CMTM7: variants seen among roughly 807,000 people sequenced by gnomAD.
CMTM7 encodes the protein CKLF like MARVEL transmembrane domain containing 7.
Under a neutral mutation model 19.3 loss-of-function variants are expected in CMTM7, and 7 were observed. That is an observed-to-expected ratio of 0.36 (90% CI 0.21 to 0.68). The LOEUF (loss-of-function observed/expected upper bound fraction) is 0.68. Ranked by LOEUF, CMTM7 falls within the 30% of genes least tolerant of loss-of-function variation. The probability of loss-of-function intolerance (pLI) is 0.60; values close to 1 mark genes in which losing one functional copy is unlikely to be tolerated. For synonymous variants in CMTM7, 87 were observed against 99.3 expected (o/e 0.88, Z 0.74); for missense variants, 193 against 232.6 (o/e 0.83, Z 1.11).
chr3:32,406,772 G>A (rs1696097385), intron 1 of CMTM7, among the ~76,000 whole-genome samples: 1 of 152,224 alleles, frequency 6.6e-6, no homozygotes, highest in South Asian at 2.1e-4. Context: ...GCAGGACAAA[G>A]ACGAGTTTCA....
At chr3:32,412,996 T>C (rs1696201648) in intron 1 of CMTM7, among the ~76,000 whole-genome samples, 1 of 152,246 alleles carries the variant, frequency 6.6e-6, no homozygotes, top group Admixed American at 6.5e-5. Context: ...CTATAAATGA[T>C]ATTACATTGA....
chr3:32,444,456 T>C (rs537893143), intron 2 of CMTM7, among the ~76,000 whole-genome samples: 6 of 152,376 alleles, frequency 3.9e-5, no homozygotes, highest in South Asian at 2.1e-4. Flanking sequence ...TTTTGATTAC[T>C]GTAGCCTTGT....
chr3:32,449,416 C>A lies in CMTM7; in HGVS notation c.334-38C>A. 7.1e-7 allele frequency: 1 copy of A among 1,410,396 alleles called. No individual in the cohort carries two copies. The highest frequency in any genetic ancestry group is 1.0e-6 in the Non-Finnish European group (1 of 994,304). The allele number at this position is 1,410,396 out of a possible 1,614,324, so 87.4% of individuals were successfully genotyped here. ...TTGCTCTTCCCGGACCAGAAATGGA[C>A]GGCCCTACCCACTTATTTGCTTTGT... On this transcript the variant is annotated intron_variant, in intron 2 of 4. Coordinates refer to ENST00000334983, the MANE Select transcript of CMTM7 (RefSeq NM_138410.4). The surrounding 1 kb of genome is among the most constrained non-coding windows in gnomAD (Gnocchi z 4.5).
intron 1 of CMTM7, among the ~76,000 whole-genome samples, chr3:32,402,797 T>G (rs909806534): frequency 1.3e-5 from 2 of 151,692 alleles, no homozygotes; most frequent in African/African-American, 4.8e-5. Context: ...ACTCCTGACC[T>G]TGTGTTCCGC....
At chr3:32,418,355 C>G (rs11129522) in intron 1 of CMTM7, among the ~76,000 whole-genome samples, 50,589 of 151,974 alleles carry the variant, frequency 0.33, 8,958 homozygotes, top group South Asian at 0.41. Flanking sequence ...TGCTCTATAT[C>G]TTGCCTTTTC....
chr3:32,404,985 TGAGAGAGGGCC>T (rs1400233188), intron 1 of CMTM7, among the ~76,000 whole-genome samples: 1 of 152,152 alleles, frequency 6.6e-6, no homozygotes, highest in East Asian at 1.9e-4. Context: ...ACTGCCTTGT[TGAGAGAGGGCC>T]TGTGAGGGGC....
chr3:32,407,302 G>GTTACTTTTT (rs1445914457), intron 1 of CMTM7, among the ~76,000 whole-genome samples: 1 of 152,030 alleles, frequency 6.6e-6, no homozygotes, highest in Non-Finnish European at 1.5e-5. Flanking sequence ...GATTTTTGAT[G>GTTACTTTTT]TTACTTTTTC....
At chr3:32,441,399 C>T (rs1001239576) in intron 1 of CMTM7, among the ~76,000 whole-genome samples, 1 of 152,118 alleles carries the variant, frequency 6.6e-6, no homozygotes, top group African/African-American at 2.4e-5. Flanking sequence ...TATGAATTAC[C>T]ATCTTTGTAG....
chr3:32,392,128 G>A, intron 1 of CMTM7, 63 bp downstream of exon 1: 3 of 1,178,512 alleles, frequency 2.5e-6, no homozygotes, highest in Non-Finnish European at 2.1e-6. Flanking sequence ...CAGGGGTCCG[G>A]GAGCGGACGC....
intron 1 of CMTM7, among the ~76,000 whole-genome samples, chr3:32,395,809 A>C (rs1559398631): frequency 6.6e-6 from 1 of 152,250 alleles, no homozygotes; most frequent in Non-Finnish European, 1.5e-5. Context: ...TGTCCACATG[A>C]AGACTTACAC....
At position 32,449,653 on chromosome 3, in the gene CMTM7, C is replaced by G. The variant is rs1696801754; in HGVS notation, c.432+101C>G. On this transcript the variant is annotated intron_variant, in intron 3 of 4. Coordinates refer to ENST00000334983, the MANE Select transcript of CMTM7 (RefSeq NM_138410.4). This position sits in a 1 kb window ranked among gnomAD's most constrained non-coding sequence, Gnocchi z 4.5. The stretch of plus-strand genomic sequence containing the variant: ...AAGGGCTTGGTTTCTGGGGCATTCC[C>G]TTCATAGAATCAATACCTACCTTGA... 1 of 909,144 alleles carries G rather than the reference C, an allele frequency of 1.1e-6. No individual in the cohort carries two copies. The highest frequency in any genetic ancestry group is 1.8e-6 in the Non-Finnish European group (1 of 546,546). 56.3% of individuals were successfully genotyped at this position (909,144 alleles called of 1,614,324 possible). A position where few individuals can be genotyped will look rare whatever the true frequency, so the allele number is the denominator to read the frequency against.
rs573871033 is a variant in CMTM7 at position 32,449,285 on chromosome 3, G to T, written c.334-169G>T. On this transcript the variant is annotated intron_variant, in intron 2 of 4. Coordinates refer to ENST00000334983, the MANE Select transcript of CMTM7 (RefSeq NM_138410.4). The surrounding 1 kb of genome is among the most constrained non-coding windows in gnomAD (Gnocchi z 4.5). ...TGCTTGGCCTCTTCCTGGTCAGCCCGCATGTTGGCTGCCTGCGAGCGGCTC... is the reference window on the plus strand; with the variant it reads ...TGCTTGGCCTCTTCCTGGTCAGCCCTCATGTTGGCTGCCTGCGAGCGGCTC... 2.0e-5 allele frequency among the ~76,000 whole-genome samples: 3 copies of T among 152,294 alleles called. No homozygotes were observed. Among genetic ancestry groups the T allele is most frequent in the East Asian group, 1.9e-4 (1 of 5,186 alleles).
In CMTM7 at chr3:32,454,507, A is replaced by G. The variant is rs1326454488; in HGVS notation, c.*253A>G. 2.9e-6 allele frequency: 2 copies of G among 689,372 alleles called. No homozygotes were observed. The highest frequency in any genetic ancestry group is 3.5e-5 in the African/African-American group (2 of 57,002). The allele number at this position is 689,372 out of a possible 1,614,324, so 42.7% of individuals were successfully genotyped here. A position where few individuals can be genotyped will look rare whatever the true frequency, so the allele number is the denominator to read the frequency against. On this transcript the variant is annotated 3_prime_UTR_variant, in exon 5 of 5. Transcript: ENST00000334983. ...GGAAAGGAAAGCAGCCTCCAGGGAA[A>G]TGTTTTCTGCCTTCCTGCTTCTAGA...
chr3:32,417,110 G>A (rs1051051614), intron 1 of CMTM7, among the ~76,000 whole-genome samples: 10 of 152,118 alleles, frequency 6.6e-5, no homozygotes, highest in African/African-American at 1.9e-4. Context: ...ATCAATTTCG[G>A]AACACTTAGA....
Position 32,454,794 on chromosome 3 carries a change from T to C in CMTM7, c.*540T>C, listed in dbSNP as rs530424982. On this transcript the variant is annotated 3_prime_UTR_variant, in exon 5 of 5. Transcript: ENST00000334983. Reference sequence around the variant, plus strand: ...TCTCCATCTCTGCCTTTGTTACCAGTGTGCATGTGTTTGTGTGTTTTTTAA... The same window carrying C: ...TCTCCATCTCTGCCTTTGTTACCAGCGTGCATGTGTTTGTGTGTTTTTTAA... The C allele has an allele frequency of 1.3e-4, 31 of 242,840 alleles. No homozygotes were observed. The highest frequency in any genetic ancestry group is 2.0e-4 in the Admixed American group (4 of 19,514). The allele number at this position is 242,840 out of a possible 1,614,324, so 15.0% of individuals were successfully genotyped here. A position where few individuals can be genotyped will look rare whatever the true frequency, so the allele number is the denominator to read the frequency against.
At chr3:32,442,779 C>G (rs1559413914) in intron 2 of CMTM7, among the ~76,000 whole-genome samples, 1 of 152,158 alleles carries the variant, frequency 6.6e-6, no homozygotes, top group Admixed American at 6.5e-5. Flanking sequence ...AGATGCAGTT[C>G]ATATGCCGTA....
intron 2 of CMTM7, among the ~76,000 whole-genome samples, chr3:32,448,513 A>G (rs919068876): frequency 7.9e-5 from 12 of 152,244 alleles, no homozygotes; most frequent in Non-Finnish European, 1.5e-4. Flanking sequence ...AAGCACTGGA[A>G]GTGGCCCCCA....
chr3:32,450,290 C>T (rs756764784), intron 3 of CMTM7, among the ~76,000 whole-genome samples: 1 of 152,094 alleles, frequency 6.6e-6, no homozygotes, highest in Non-Finnish European at 1.5e-5. Context: ...CTCTCTCAAG[C>T]CAGATGTGGT....
At chr3:32,438,610 T>C (rs1273632545) in intron 1 of CMTM7, among the ~76,000 whole-genome samples, 1 of 152,182 alleles carries the variant, frequency 6.6e-6, no homozygotes, top group African/African-American at 2.4e-5. Flanking sequence ...TCTGGCTAAA[T>C]TAGATTTTCT....
Sources: allele counts gnomAD v4.1 joint callset (sites outside exome capture counted in the v4.1 genomes callset), GRCh38; gene constraint gnomAD v4.1.1; non-coding constraint Gnocchi (gnomAD v3.1); transcripts MANE v1.5; gene names NCBI Gene and HGNC (gene_info 2026-07-23, HGNC 2026-07-21).